TWNK: variants seen among roughly 807,000 people sequenced by gnomAD.
TWNK encodes T7 gp4-like protein with intramitochondrial nucleoid localization.
TWNK carries 36 observed loss-of-function variants against 58.2 expected under a neutral mutation model. The observed-to-expected ratio is 0.62, with a 90% CI of 0.47 to 0.82. The LOEUF (loss-of-function observed/expected upper bound fraction) is 0.82. Among genes scored for constraint, TWNK ranks in the 40% least tolerant of loss-of-function variants. TWNK has a pLI of 0.00. For missense variants in TWNK, 714 were observed against 881.0 expected, an observed-to-expected ratio of 0.81 and a Z score of 2.40; for synonymous variants, 349 against 348.5, an observed-to-expected ratio of 1.00 and a Z score of -0.02.
Position 100,988,694 on chromosome 10 carries a change from A to C in TWNK, c.484A>C (p.Ile162Leu). The C allele has an allele frequency of 3.1e-6, 5 of 1,614,150 alleles. No individual in the cohort carries two copies. Among genetic ancestry groups the C allele is most frequent in the Non-Finnish European group, 4.2e-6 (5 of 1,180,022 alleles). ...GGTCCGGAGGATCTGGAACCGAGCA[A>C]TACCTCTCTGGGAGCTGCCTGATCA... ...EEVRRIWNRA[I>L]PLWELPDQEE... is the part of the protein sequence containing the mutation. The change falls in exon 1 of 5, where the codon ATA (isoleucine) becomes CTA (leucine). Residue 162 changes from isoleucine (I) to leucine (L), a missense_variant. By Grantham distance (5) the Ile-to-Leu change is conservative. Around this residue, in one of 3 missense-constraint regions of TWNK, gnomAD observed 348 missense variants for 388.4 expected, o/e 0.90. Coordinates refer to ENST00000311916, the MANE Select transcript of TWNK (RefSeq NM_021830.5). The surrounding 1 kb of genome is among the most constrained non-coding windows in gnomAD (Gnocchi z 5.2).
Position 100,994,243 on chromosome 10 carries a change from C to G in TWNK, c.*733C>G, listed in dbSNP as rs1295686107. ...TCAGGGCCTCACTGGTGGGAGCTGC[C>G]TCGGGCTGGGTTGCTTGGTCATAGA... On this transcript the variant is annotated 3_prime_UTR_variant, in exon 5 of 5. Transcript: ENST00000311916. 6.6e-6 allele frequency: 1 copy of G among 152,474 alleles called. No individual in the cohort carries two copies. Among genetic ancestry groups the G allele is most frequent in the Non-Finnish European group, 1.5e-5 (1 of 68,292 alleles). 9.4% of individuals were successfully genotyped at this position (152,474 alleles called of 1,614,324 possible).
rs758757135 is a variant in TWNK, at chr10:100,989,630, C to T, written c.1244-14C>T. The T allele has an allele frequency of 2.1e-5, 34 of 1,613,804 alleles. No homozygotes were observed. In the East Asian group the frequency reaches 7.4e-4, roughly 35 times the overall value. ...GACTTCCTCCTCACCCAGGTCTGTT[C>T]CACCCCACTGCAGGGCCAACAGGCA... On this transcript the variant is annotated splice_polypyrimidine_tract_variant and intron_variant, in intron 1 of 4. Transcript: ENST00000311916. The surrounding 1 kb of genome is among the most constrained non-coding windows in gnomAD (Gnocchi z 7.6).
Position 100,990,521 on chromosome 10 carries a change from C to T in TWNK, c.1570C>T (p.His524Tyr), listed in dbSNP as rs1457982495. 1.2e-6 allele frequency: 2 copies of T among 1,614,030 alleles called. No homozygotes were observed. The highest frequency in any genetic ancestry group is 2.7e-5 in the African/African-American group (2 of 74,934). The change falls in exon 3 of 5, where the codon CAC becomes TAC. Residue 524 changes from histidine to tyrosine, a missense_variant. Transcript: ENST00000311916. ...CGACAACCTGCAGTTCATGATGGGT[C>T]ACGAGCAGCTGTCCACAGACAGGTG... is the stretch of plus-strand genomic sequence containing the variant. ...IIDNLQFMMG[H>Y]EQLSTDRIAA...
chr10:100,993,272 C>T lies in TWNK; in HGVS notation c.1817C>T (p.Ser606Phe). The change falls in exon 5 of 5, where the codon TCC becomes TTC. Residue 606 changes from serine (S) to phenylalanine (F), a missense_variant. This residue lies in a region of TWNK where 302 missense variants were observed against 438.6 expected (regional missense o/e 0.69). Transcript: ENST00000311916. ...CCAGGGAAACGGTATCTGCAGGTGT[C>T]CAAGAACCGCTTTGATGGAGATGTA... ...TGPGKRYLQV[S>F]KNRFDGDVGV... 6.2e-7 allele frequency: 1 copy of T among 1,614,220 alleles called. No individual in the cohort carries two copies. The highest frequency in any genetic ancestry group is 8.5e-7 in the Non-Finnish European group (1 of 1,180,046).
chr10:100,988,240 C>A lies in TWNK; in HGVS notation c.30C>A (p.Pro10=). 1 of 1,614,202 alleles carries A rather than the reference C, an allele frequency of 6.2e-7. No homozygotes were observed. The highest frequency in any genetic ancestry group is 8.5e-7 in the Non-Finnish European group (1 of 1,180,046). ...GGGTCCTCCTCCGAAGTGGGTACCC[C>A]CTCCGTATCTTGTTACCCCTGCGTG... MWVLLRSGY[P]LRILLPLRGE... is the part of the protein sequence containing the mutation. The change falls in exon 1 of 5, where the codon CCC becomes CCA. Residue 10 remains proline, a synonymous_variant. Transcript: ENST00000311916. This position sits in a 1 kb window ranked among gnomAD's most constrained non-coding sequence, Gnocchi z 5.2.
At chr10:100,990,410 A>G in intron 2 of TWNK, 26 bp from the exon 3 acceptor site, 1 of 1,588,974 alleles carries the variant, frequency 6.3e-7, no homozygotes, top group Non-Finnish European at 8.6e-7. Flanking sequence ...ACAACTTGTC[A>G]AATTCCTTGC....
intron 4 of TWNK, among the ~76,000 whole-genome samples, chr10:100,991,443 C>G (rs1340401645): frequency 6.6e-6 from 1 of 151,368 alleles, no homozygotes; most frequent in East Asian, 1.9e-4. Flanking sequence ...GCATCAGGAC[C>G]AGCCCAATCC....
At chr10:100,993,066 G>A (rs1008771475) in intron 4 of TWNK, 124 bp from the exon 5 acceptor site, 59 of 1,019,464 alleles carry the variant, frequency 5.8e-5, no homozygotes, top group Non-Finnish European at 8.0e-5. Flanking sequence ...GATTACAGGC[G>A]TGAGCCATTG....
rs773230952 is a variant in TWNK at position 100,989,065 on chromosome 10, A to G, written c.855A>G (p.Arg285=). ...STGLPTLTLP[R]GTTCLPPALL... is the part of the protein sequence containing the mutation. ...GGCTGCCTACCCTTACTCTACCCCG[A>G]GGAACGACCTGCTTACCCCCTGCCT... The change falls in exon 1 of 5, where the codon CGA becomes CGG. Residue 285 remains arginine, a synonymous_variant. Transcript: ENST00000311916. The surrounding 1 kb of genome is among the most constrained non-coding windows in gnomAD (Gnocchi z 7.6). 1.2e-6 allele frequency: 2 copies of G among 1,613,986 alleles called. No homozygotes were observed. The highest frequency in any genetic ancestry group is 2.2e-5 in the East Asian group (1 of 44,874).
Position 100,987,950 on chromosome 10 carries a change from G to T in TWNK, c.-261G>T. The T allele has an allele frequency of 1.6e-6, 1 of 621,738 alleles. No homozygotes were observed. Among genetic ancestry groups the T allele is most frequent in the South Asian group, 1.8e-5 (1 of 54,138 alleles). 38.5% of individuals were successfully genotyped at this position (621,738 alleles called of 1,614,324 possible). A position where few individuals can be genotyped will look rare whatever the true frequency, so the allele number is the denominator to read the frequency against. ...AGAGGGTCATAGAGGTGAGGTGGCG[G>T]AGAGAAACTAACTAACGGACCATAG... On this transcript the variant is annotated 5_prime_UTR_variant, in exon 1 of 5. Coordinates refer to ENST00000311916, the MANE Select transcript of TWNK (RefSeq NM_021830.5).
rs1258930639 is a variant in TWNK at position 100,989,750 on chromosome 10, A to G, written c.1350A>G (p.Arg450=). Residue 450 remains arginine (R), a synonymous_variant, in exon 2 of 5, where the codon AGA becomes AGG. Transcript: ENST00000311916. This position sits in a 1 kb window ranked among gnomAD's most constrained non-coding sequence, Gnocchi z 7.6. ...LWGSFEISNV[R]LARVMLTQFA... Reference sequence around the variant, plus strand: ...GTAGCTTCGAGATCAGCAATGTGAGACTAGCCCGGGTCATGCTGACACAGT... The same window carrying G: ...GTAGCTTCGAGATCAGCAATGTGAGGCTAGCCCGGGTCATGCTGACACAGT... 3 of 1,614,180 alleles carry G rather than the reference A, an allele frequency of 1.9e-6. No homozygotes were observed. The Admixed American group carries it at 5.0e-5, about 27-fold the overall frequency.
intron 4 of TWNK, among the ~76,000 whole-genome samples, chr10:100,992,915 A>T (rs1248261984): frequency 9.9e-5 from 15 of 151,898 alleles, no homozygotes; most frequent in Admixed American, 9.8e-4. Context: ...GCCTCCCAAG[A>T]AGCTGGGACT....
Position 100,993,471 on chromosome 10 carries a change from C to G in TWNK, c.2016C>G (p.Pro672=). Residue 672 remains proline, a synonymous_variant, in exon 5 of 5, where the codon CCC becomes CCG. Transcript: ENST00000311916. ...QNSEICSGQA[P]TPDQPDTSKR... ...CTGAGATTTGCTCAGGCCAGGCCCCCACTCCCGACCAGCCAGACACCTCCA... is the reference window on the plus strand; with the variant it reads ...CTGAGATTTGCTCAGGCCAGGCCCCGACTCCCGACCAGCCAGACACCTCCA... 1 of 1,614,180 alleles carries G rather than the reference C, an allele frequency of 6.2e-7. No homozygotes were observed. Among genetic ancestry groups the G allele is most frequent in the South Asian group, 1.1e-5 (1 of 91,088 alleles).
rs186368167 is a variant in TWNK at position 100,993,685 on chromosome 10, A to T, written c.*175A>T. The T allele has an allele frequency of 8.0e-5, 56 of 698,164 alleles. No individual in the cohort carries two copies. In the Admixed American group the frequency reaches 9.5e-4, roughly 12 times the overall value. The allele number at this position is 698,164 out of a possible 1,614,324, so 43.2% of individuals were successfully genotyped here. On this transcript the variant is annotated 3_prime_UTR_variant, in exon 5 of 5. Coordinates refer to ENST00000311916, the MANE Select transcript of TWNK (RefSeq NM_021830.5). ...ATTCAATGTAGCAGACTACTGAGAA[A>T]CTACTGTGTTGCTCAGGCTTTGTTT...
chr10:100,993,790 A>G lies in TWNK; in HGVS notation c.*280A>G, dbSNP rs994997789. ...TTCTGGCGGAAGAGACAAGCAAGCA[A>G]TGAACAAATTAGCAGAAAACCTAGT... On this transcript the variant is annotated 3_prime_UTR_variant, in exon 5 of 5. Transcript: ENST00000311916. The G allele has an allele frequency of 5.9e-6, 3 of 506,520 alleles. No homozygotes were observed. Among genetic ancestry groups the G allele is most frequent in the African/African-American group, 3.8e-5 (2 of 52,304 alleles). The allele number at this position is 506,520 out of a possible 1,614,324, so 31.4% of individuals were successfully genotyped here.
At position 100,989,245 on chromosome 10, in the gene TWNK, C is replaced by G; in HGVS notation, c.1035C>G (p.Ala345=). ...ACCAGCAACCCCGTCCCCTGGAGGCCCTGAACGGAGGCTTCAATCTTTCTC... is the reference window on the plus strand; with the variant it reads ...ACCAGCAACCCCGTCCCCTGGAGGCGCTGAACGGAGGCTTCAATCTTTCTC... ...PGDQQPRPLE[A]LNGGFNLSRI... is the part of the protein sequence containing the mutation. Residue 345 remains alanine, a synonymous_variant, in exon 1 of 5, where the codon GCC becomes GCG. Coordinates refer to ENST00000311916, the MANE Select transcript of TWNK (RefSeq NM_021830.5). The surrounding 1 kb of genome is among the most constrained non-coding windows in gnomAD (Gnocchi z 7.6). 6.2e-7 allele frequency: 1 copy of G among 1,614,174 alleles called. No homozygotes were observed. Among genetic ancestry groups the G allele is most frequent in the Non-Finnish European group, 8.5e-7 (1 of 1,180,038 alleles).
Position 100,993,682 on chromosome 10 carries a change from G to GA in TWNK, c.*175dup, listed in dbSNP as rs1851849307. The GA allele has an allele frequency of 9.9e-6, 7 of 710,262 alleles. No homozygotes were observed. Among genetic ancestry groups the GA allele is most frequent in the Non-Finnish European group, 1.7e-5 (7 of 418,202 alleles). 44.0% of individuals were successfully genotyped at this position (710,262 alleles called of 1,614,324 possible). On this transcript the variant is annotated 3_prime_UTR_variant, in exon 5 of 5. Transcript: ENST00000311916. ...AAAATTCAATGTAGCAGACTACTGA[G>GA]AAACTACTGTGTTGCTCAGGCTTTG...
rs1271946677 is a variant in TWNK at position 100,993,546 on chromosome 10, T to G, written c.*36T>G. The G allele has an allele frequency of 6.2e-7, 1 of 1,607,078 alleles. No homozygotes were observed. On this transcript the variant is annotated 3_prime_UTR_variant, in exon 5 of 5. Transcript: ENST00000311916. ...GAGCTGGTCACTGAAATGAGCCTGA[T>G]AGGATAGGCTGGAGCATAAAACTCT...
In TWNK at chr10:100,988,194, C is replaced by T; in HGVS notation, c.-17C>T. On this transcript the variant is annotated 5_prime_UTR_variant, in exon 1 of 5. Coordinates refer to ENST00000311916, the MANE Select transcript of TWNK (RefSeq NM_021830.5). The surrounding 1 kb of genome is among the most constrained non-coding windows in gnomAD (Gnocchi z 5.2). The stretch of plus-strand genomic sequence containing the variant: ...CCTAAGGCATTTCAAGTAGTGACTT[C>T]CCACATTTGGCTAGGAATGTGGGTC... The T allele has an allele frequency of 3.7e-6, 6 of 1,613,806 alleles. No individual in the cohort carries two copies. The highest frequency in any genetic ancestry group is 5.1e-6 in the Non-Finnish European group (6 of 1,180,024).
Sources: allele counts gnomAD v4.1 joint callset (sites outside exome capture counted in the v4.1 genomes callset), GRCh38; gene constraint gnomAD v4.1.1; regional missense constraint gnomAD v4.1.1; non-coding constraint Gnocchi (gnomAD v3.1); transcripts MANE v1.5; gene names NCBI Gene and HGNC (gene_info 2026-07-23, HGNC 2026-07-21).